Variants in PRRX1 observed in about 807,000 individuals in gnomAD.
PRRX1 encodes the protein paired mesoderm homeobox protein 1.
A neutral mutation model predicts 24.0 loss-of-function variants in PRRX1; 8 were observed. The ratio of observed to expected loss-of-function variants is 0.33; its 90% confidence interval spans 0.20 to 0.60. PRRX1 has a LOEUF of 0.60. Among genes scored for constraint, PRRX1 ranks in the 20% least tolerant of loss-of-function variants. PRRX1 has a pLI of 0.82. For missense variants in PRRX1, 281 were observed against 322.4 expected (o/e 0.87, Z 0.98); for synonymous variants, 160 against 131.7 (o/e 1.22, Z -1.47).
intron 2 of PRRX1, among the ~76,000 whole-genome samples, chr1:170,722,448 A>G (rs1335650914): frequency 6.6e-6 from 1 of 152,184 alleles, no homozygotes; most frequent in Non-Finnish European, 1.5e-5. Context: ...CTGGGGATGA[A>G]TAAGATACTG....
At chr1:170,711,798 A>G (rs1654761422) in intron 1 of PRRX1, among the ~76,000 whole-genome samples, 2 of 152,160 alleles carry the variant, frequency 1.3e-5, no homozygotes, top group Admixed American at 6.6e-5. Flanking sequence ...TTCCTAGTCA[A>G]ATACCAGGCA....
chr1:170,699,403 G>A (rs1243028557), intron 1 of PRRX1, among the ~76,000 whole-genome samples: 1 of 151,714 alleles, frequency 6.6e-6, no homozygotes, highest in East Asian at 1.9e-4. Context: ...GTTTTTAAAT[G>A]GGTCTCATTT....
chr1:170,688,139 T>A (rs1653809108), intron 1 of PRRX1, among the ~76,000 whole-genome samples: 1 of 152,136 alleles, frequency 6.6e-6, no homozygotes, highest in East Asian at 1.9e-4. Context: ...TATTATTATT[T>A]TTCTATTACC....
chr1:170,664,505 G>C (rs770720055), intron 1 of PRRX1, 46 bp downstream of exon 1: 9 of 1,564,668 alleles, frequency 5.8e-6, no homozygotes, highest in South Asian at 1.2e-5. Context: ...CCGGGACAGA[G>C]GGCGGGGACC....
intron 1 of PRRX1, among the ~76,000 whole-genome samples, chr1:170,699,449 A>C (rs183893932): frequency 6.6e-6 from 1 of 152,066 alleles, no homozygotes; most frequent in East Asian, 1.9e-4. Context: ...TAGTTTGCAC[A>C]CAGCTCCTCT....
At chr1:170,704,757 T>C (rs1458613873) in intron 1 of PRRX1, among the ~76,000 whole-genome samples, 1 of 152,202 alleles carries the variant, frequency 6.6e-6, no homozygotes, top group Non-Finnish European at 1.5e-5. Context: ...TAATAGACTA[T>C]ACCCAAAACA....
intron 1 of PRRX1, among the ~76,000 whole-genome samples, chr1:170,679,284 G>A (rs1013296029): frequency 1.3e-5 from 2 of 152,180 alleles, no homozygotes; most frequent in Admixed American, 6.5e-5. Flanking sequence ...CACACATATA[G>A]CACTTATTAG....
intron 3 of PRRX1, chr1:170,728,774 T>C (rs1655335315): frequency 6.6e-6 from 1 of 152,252 alleles, no homozygotes. Context: ...CAAAAAGCTA[T>C]TCTGTTATTT....
chr1:170,715,325 T>A (rs192368071), intron 1 of PRRX1, among the ~76,000 whole-genome samples: 89 of 152,326 alleles, frequency 5.8e-4, no homozygotes, highest in Non-Finnish European at 4.4e-5. Context: ...TTACTATAAC[T>A]CTTTCAACTT....
rs1436472139 is a variant in PRRX1, at chr1:170,736,457, T to C, written c.*271T>C. The C allele has an allele frequency of 2.1e-6, 1 of 482,242 alleles. No homozygotes were observed. Among genetic ancestry groups the C allele is most frequent in the Non-Finnish European group, 3.8e-6 (1 of 264,600 alleles). The allele number at this position is 482,242 out of a possible 1,614,324, so 29.9% of individuals were successfully genotyped here. A position where few individuals can be genotyped will look rare whatever the true frequency, so the allele number is the denominator to read the frequency against. On this transcript the variant is annotated 3_prime_UTR_variant, in exon 4 of 4. Transcript: ENST00000239461. ...TTTCTTTCATTCATGCTTTGCTTAA[T>C]GTACTCCAGGCTTCTTCAGCTAGGT... is the stretch of plus-strand genomic sequence containing the variant.
intron 1 of PRRX1, among the ~76,000 whole-genome samples, chr1:170,672,190 G>A (rs1031286193): frequency 5.3e-5 from 8 of 152,304 alleles, no homozygotes; most frequent in African/African-American, 1.9e-4. Flanking sequence ...AGAGTTTCAA[G>A]AGACTCACAG....
intron 1 of PRRX1, 23 bp downstream of exon 1, chr1:170,664,482 CG>C: frequency 6.3e-7 from 1 of 1,583,718 alleles, no homozygotes; most frequent in South Asian, 1.1e-5. Flanking sequence ...CGCATGCCCA[CG>C]GGGGTGTGTG....
intron 1 of PRRX1, among the ~76,000 whole-genome samples, chr1:170,667,012 A>G (rs1382767176): frequency 6.6e-6 from 1 of 152,082 alleles, no homozygotes; most frequent in East Asian, 1.9e-4. Context: ...GCGCTCGAGG[A>G]CAAGCTCAGC....
At chr1:170,730,172 C>A in intron 3 of PRRX1, 1 of 963,502 alleles carries the variant, frequency 1.0e-6, no homozygotes, top group Non-Finnish European at 1.7e-6. Context: ...TCCACAGCTT[C>A]CCTCCCCATC....
At chr1:170,668,626 C>T (rs561631494) in intron 1 of PRRX1, 1 of 152,248 alleles carries the variant, frequency 6.6e-6, no homozygotes, top group Non-Finnish European at 1.5e-5. Context: ...GCCACACTCT[C>T]TCGGGACCTT....
intron 1 of PRRX1, among the ~76,000 whole-genome samples, chr1:170,684,885 T>C (rs1175787751): frequency 1.3e-5 from 2 of 152,216 alleles, no homozygotes; most frequent in Non-Finnish European, 2.9e-5. Flanking sequence ...TTTTTCATGA[T>C]TTTAAAAATA....
intron 1 of PRRX1, among the ~76,000 whole-genome samples, chr1:170,715,040 A>G (rs922375797): frequency 6.6e-6 from 1 of 152,124 alleles, no homozygotes; most frequent in African/African-American, 2.4e-5. Context: ...CTTTTCTAGT[A>G]AAAGATAAAA....
chr1:170,723,751 T>C (rs531566414), intron 2 of PRRX1, among the ~76,000 whole-genome samples: 77 of 152,348 alleles, frequency 5.1e-4, no homozygotes, highest in African/African-American at 1.8e-3. Context: ...CAAATCTAGA[T>C]GGTATAACTG....
intron 1 of PRRX1, among the ~76,000 whole-genome samples, chr1:170,675,182 G>C (rs1266687073): frequency 6.6e-6 from 1 of 152,194 alleles, no homozygotes; most frequent in South Asian, 2.1e-4. Context: ...TACATTTTCA[G>C]CAGTAAAGTC....
Sources: allele counts gnomAD v4.1 joint callset (sites outside exome capture counted in the v4.1 genomes callset), GRCh38; gene constraint gnomAD v4.1.1; transcripts MANE v1.5; gene names NCBI Gene and HGNC (gene_info 2026-07-23, HGNC 2026-07-21).